The following ERBIN variants were observed in gnomAD, a reference collection of about 807,000 sequenced individuals.
The protein encoded by ERBIN is densin-180-like protein.
ERBIN carries 60 observed loss-of-function variants against 158.4 expected under a neutral mutation model. The ratio of observed to expected loss-of-function variants is 0.38; its 90% CI spans 0.31 to 0.47. The LOEUF is 0.47. Ranked by LOEUF, ERBIN falls within the 20% of genes least tolerant of loss-of-function variation. The probability of loss-of-function intolerance (pLI) is 0.99; values close to 1 mark genes in which losing one functional copy is unlikely to be tolerated. For synonymous variants in ERBIN, 594 were observed against 557.2 expected, an observed-to-expected ratio of 1.07 and a Z score of -0.93; for missense variants, 1,610 against 1,648.0, an observed-to-expected ratio of 0.98 and a Z score of 0.40.
chr5:66,010,157 T>G (rs964796136), intron 4 of ERBIN, among the ~76,000 whole-genome samples: 3 of 152,224 alleles, frequency 2.0e-5, no homozygotes, highest in African/African-American at 7.2e-5. Flanking sequence ...CTCTCATTAC[T>G]TCCTTAGTCT....
At chr5:65,967,380 A>G (rs985205444) in intron 1 of ERBIN, among the ~76,000 whole-genome samples, 4 of 152,274 alleles carry the variant, frequency 2.6e-5, no homozygotes, top group African/African-American at 9.6e-5. Context: ...CTCTATTTAT[A>G]ATAGGTGTAC....
intron 1 of ERBIN, among the ~76,000 whole-genome samples, chr5:65,977,862 G>A (rs984125942): frequency 3.3e-5 from 5 of 151,992 alleles, no homozygotes; most frequent in Non-Finnish European, 5.9e-5. Context: ...TCCAGCCTGG[G>A]CACCATTGAG....
At chr5:66,029,492 T>A (rs1211887686) in intron 14 of ERBIN, among the ~76,000 whole-genome samples, 1 of 152,184 alleles carries the variant, frequency 6.6e-6, no homozygotes, top group Non-Finnish European at 1.5e-5. Flanking sequence ...CCCTGAGGTG[T>A]TAATACAGTA....
At chr5:65,959,818 T>A (rs1484498013) in intron 1 of ERBIN, among the ~76,000 whole-genome samples, 1 of 152,196 alleles carries the variant, frequency 6.6e-6, no homozygotes, top group Non-Finnish European at 1.5e-5. Context: ...AGCAACATGA[T>A]TTTTTCTTGA....
Position 66,054,604 on chromosome 5 carries a change from C to T in ERBIN, c.3286C>T (p.Arg1096Trp), listed in dbSNP as rs369672448. The T allele has an allele frequency of 4.9e-5, 79 of 1,613,972 alleles. No homozygotes were observed. Among genetic ancestry groups the T allele is most frequent in the Middle Eastern group, 1.6e-4 (1 of 6,084 alleles). Residue 1096 changes from arginine (R) to tryptophan (W), a missense_variant, in exon 21 of 26, where the codon CGG (arginine) becomes TGG (tryptophan). Physicochemically the swap from Arg to Trp is moderately radical, Grantham distance 101. Around this residue, in one of 2 missense-constraint regions of ERBIN, gnomAD observed 1,014 missense variants for 936.1 expected, o/e 1.08. Transcript: ENST00000284037. ...TCTTGGTGATCCAGGCTCTACAAGG[C>T]GGGCTCAGATTCCTGAAGGAGATTA... ...VNLGDPGSTR[R>W]AQIPEGDYLS...
At chr5:66,061,346 C>T (rs941116191) in intron 21 of ERBIN, among the ~76,000 whole-genome samples, 11 of 152,074 alleles carry the variant, frequency 7.2e-5, no homozygotes, top group South Asian at 4.1e-4. Context: ...TCTGTTTTAT[C>T]GGAGACTAGG....
intron 2 of ERBIN, among the ~76,000 whole-genome samples, chr5:65,989,729 T>C (rs1451321454): frequency 6.6e-6 from 1 of 152,232 alleles, no homozygotes; most frequent in Non-Finnish European, 1.5e-5. Context: ...AGTGTTTACA[T>C]GTGTGACTAA....
At chr5:66,018,834 A>G (rs2151131325) in intron 7 of ERBIN, among the ~76,000 whole-genome samples, 1 of 150,792 alleles carries the variant, frequency 6.6e-6, no homozygotes, top group South Asian at 2.1e-4. Flanking sequence ...ACAGGGTTTC[A>G]CCATGTTAGC....
chr5:66,060,324 C>A (rs886716161), intron 21 of ERBIN, among the ~76,000 whole-genome samples: 1 of 152,138 alleles, frequency 6.6e-6, no homozygotes, highest in South Asian at 2.1e-4. Flanking sequence ...AGTTTATTTG[C>A]GTAGAGGTGT....
intron 1 of ERBIN, among the ~76,000 whole-genome samples, chr5:65,970,696 C>T (rs892606198): frequency 3.9e-5 from 6 of 152,194 alleles, no homozygotes; most frequent in Non-Finnish European, 7.3e-5. Flanking sequence ...AAGCAATCTT[C>T]CTGCCTCAGC....
intron 1 of ERBIN, among the ~76,000 whole-genome samples, chr5:65,940,422 G>T (rs1744744000): frequency 7.2e-6 from 1 of 139,426 alleles, no homozygotes. Flanking sequence ...AGGTGGGGGG[G>T]TCAGCCCCCC....
chr5:66,052,590 C>T (rs1759159102), intron 20 of ERBIN, among the ~76,000 whole-genome samples: 1 of 152,116 alleles, frequency 6.6e-6, no homozygotes, highest in African/African-American at 2.4e-5. Flanking sequence ...AGGAATACAG[C>T]AACACCTTTT....
chr5:66,067,560 T>G (rs1346592371), intron 21 of ERBIN, among the ~76,000 whole-genome samples: 1 of 152,188 alleles, frequency 6.6e-6, no homozygotes, highest in East Asian at 1.9e-4. Flanking sequence ...CTTCAGGCAG[T>G]ACTGGGATTA....
chr5:66,055,571 A>T (rs1042528656), intron 21 of ERBIN, among the ~76,000 whole-genome samples: 4 of 152,152 alleles, frequency 2.6e-5, no homozygotes, highest in African/African-American at 9.7e-5. Flanking sequence ...TTATGTGTAG[A>T]TGTTCATCTT....
intron 21 of ERBIN, among the ~76,000 whole-genome samples, chr5:66,057,677 ATCT>A (rs1759760017): frequency 6.7e-6 from 1 of 148,454 alleles, no homozygotes; most frequent in Admixed American, 6.7e-5. Flanking sequence ...CATTAGGTAT[ATCT>A]CCTAATGCTA....
intron 1 of ERBIN, among the ~76,000 whole-genome samples, chr5:65,938,164 A>G (rs2150864655): frequency 6.6e-6 from 1 of 152,172 alleles, no homozygotes; most frequent in South Asian, 2.1e-4. Context: ...TTCTAAAAAC[A>G]TTTTGGAGGG....
intron 2 of ERBIN, among the ~76,000 whole-genome samples, chr5:65,991,047 C>T (rs193159004): frequency 1.3e-5 from 2 of 152,264 alleles, no homozygotes; most frequent in African/African-American, 2.4e-5. Context: ...TGAGCTACTG[C>T]GCCCAGCCTA....
chr5:65,962,137 A>G (rs773690919), intron 1 of ERBIN, among the ~76,000 whole-genome samples: 1 of 152,206 alleles, frequency 6.6e-6, no homozygotes, highest in Non-Finnish European at 1.5e-5. Flanking sequence ...TATATTAAAG[A>G]TGATATCTGA....
chr5:66,012,384 T>C lies in ERBIN; in HGVS notation c.386+257T>C, dbSNP rs187635211. 2.1e-3 allele frequency among the ~76,000 whole-genome samples: 327 copies of C among 152,198 alleles called. 2 individuals carry two copies. The highest frequency in any genetic ancestry group is 7.7e-3 in the African/African-American group (321 of 41,548). The stretch of plus-strand genomic sequence containing the variant: ...AGATAGTTAATGTCAGAAATGAGAG[T>C]AGAATCCACATTTCCTCACTCTGTG... On this transcript the variant is annotated intron_variant, in intron 5 of 25. Coordinates refer to ENST00000284037, the MANE Select transcript of ERBIN (RefSeq NM_001253697.2).
Sources: allele counts gnomAD v4.1 joint callset (sites outside exome capture counted in the v4.1 genomes callset), GRCh38; gene constraint gnomAD v4.1.1; regional missense constraint gnomAD v4.1.1; transcripts MANE v1.5; gene names NCBI Gene and HGNC (gene_info 2026-07-23, HGNC 2026-07-21).